The following PTPRS variants were observed in gnomAD, a reference collection of about 807,000 sequenced individuals.
The protein encoded by PTPRS is receptor-type tyrosine-protein phosphatase S.
In PTPRS, 63 loss-of-function variants were observed where a neutral mutation model predicts 215.3. The observed-to-expected ratio is 0.29, with a 90% CI of 0.24 to 0.36. PTPRS has a LOEUF of 0.36. Among genes scored for constraint, PTPRS ranks in the 10% least tolerant of loss-of-function variants. The probability of loss-of-function intolerance (pLI) is 1.00; values close to 1 mark genes in which losing one functional copy is unlikely to be tolerated. For missense variants in PTPRS, 2,258 were observed against 2,825.8 expected (o/e 0.80, Z 4.56); for synonymous variants, 1,404 against 1,191.4 (o/e 1.18, Z -3.68).
At chr19:5,318,693 C>G (rs895335541) in intron 1 of PTPRS, among the ~76,000 whole-genome samples, 6 of 152,170 alleles carry the variant, frequency 3.9e-5, no homozygotes, top group African/African-American at 1.4e-4. Context: ...CGCTCTGTCA[C>G]CCAGACTGGA....
chr19:5,291,859 G>A (rs973932778), intron 1 of PTPRS, among the ~76,000 whole-genome samples: 2 of 151,862 alleles, frequency 1.3e-5, no homozygotes, highest in African/African-American at 4.8e-5. Flanking sequence ...GGCCTCTGCT[G>A]ACCTCATCAC....
intron 4 of PTPRS, among the ~76,000 whole-genome samples, chr19:5,269,239 G>T (rs1054152764): frequency 1.3e-5 from 2 of 152,080 alleles, no homozygotes; most frequent in African/African-American, 4.8e-5. Flanking sequence ...GGCCCCGCAG[G>T]GGTCCCCATA....
chr19:5,336,017 GAA>G (rs59078850), intron 1 of PTPRS, among the ~76,000 whole-genome samples: 1 of 139,828 alleles, frequency 7.2e-6, no homozygotes, highest in Non-Finnish European at 1.6e-5. Context: ...GGAGGAGGAG[GAA>G]AAAAAAAAAA....
rs750397382 is a variant in PTPRS, at chr19:5,243,970, C to T, written c.1501G>A (p.Val501Met). ...LLEDETYTVR[V>M]LAFTSVGDGP... ...TCGCCGACGGAGGTGAAGGCGAGCA[C>T]CCGCACGGTGTAGGTCTCGTCCTCC... The change falls in exon 11 of 38, where the codon GTG (valine) becomes ATG (methionine). Residue 501 changes from valine to methionine, a missense_variant. Coordinates refer to ENST00000262963, the MANE Select transcript of PTPRS (RefSeq NM_002850.4). 2 of 1,600,250 alleles carry T rather than the reference C, an allele frequency of 1.2e-6. No individual in the cohort carries two copies. Among genetic ancestry groups the T allele is most frequent in the East Asian group, 2.2e-5 (1 of 44,826 alleles).
chr19:5,320,827 T>C (rs2147214481), intron 1 of PTPRS, among the ~76,000 whole-genome samples: 1 of 152,172 alleles, frequency 6.6e-6, no homozygotes, highest in Non-Finnish European at 1.5e-5. Context: ...GGAGCCTGGA[T>C]GGTTGAGGTT....
At chr19:5,235,032 T>C (rs574911483) in intron 13 of PTPRS, among the ~76,000 whole-genome samples, 108 of 151,304 alleles carry the variant, frequency 7.1e-4, no homozygotes, top group Admixed American at 2.2e-3. Flanking sequence ...GCTCTGCTGC[T>C]CGGGTTCACG....
chr19:5,303,662 T>C (rs1049801053), intron 1 of PTPRS, among the ~76,000 whole-genome samples: 3 of 151,732 alleles, frequency 2.0e-5, no homozygotes, highest in Non-Finnish European at 2.9e-5. Flanking sequence ...TGAGGGGTAA[T>C]AGGAGTGAGG....
At chr19:5,281,762 G>A (rs182166813) in intron 2 of PTPRS, among the ~76,000 whole-genome samples, 1 of 152,274 alleles carries the variant, frequency 6.6e-6, no homozygotes, top group Non-Finnish European at 1.5e-5. Context: ...TGGAAGGAAG[G>A]GCAGAAGCTG....
Position 5,206,637 on chromosome 19 carries a change from G to C in PTPRS, c.*137C>G, listed in dbSNP as rs2040387168. The C allele has an allele frequency of 1.3e-6, 1 of 745,026 alleles. No homozygotes were observed. The highest frequency in any genetic ancestry group is 1.7e-5 in the South Asian group (1 of 58,346). The allele number at this position is 745,026 out of a possible 1,614,324, so 46.2% of individuals were successfully genotyped here. ...GGCTCGAGGGGCTGCGTCGTCCTCG[G>C]AAATGGTGCAGAAACACAGCTGCTG... is the stretch of plus-strand genomic sequence containing the variant. On this transcript the variant is annotated 3_prime_UTR_variant, in exon 38 of 38. Coordinates refer to ENST00000262963, the MANE Select transcript of PTPRS (RefSeq NM_002850.4).
chr19:5,305,974 C>T (rs1220053804), intron 1 of PTPRS, among the ~76,000 whole-genome samples: 38 of 72,554 alleles, frequency 5.2e-4, no homozygotes, highest in African/African-American at 1.9e-3. Context: ...AAAAAAAGGG[C>T]GAATTCCTCA....
At position 5,257,771 on chromosome 19, in the gene PTPRS, C is replaced by T. The variant is rs2045679279; in HGVS notation, c.706+246G>A. Among the ~76,000 whole-genome samples, 2 of 152,230 alleles carry T rather than the reference C, an allele frequency of 1.3e-5. No homozygotes were observed. The highest frequency in any genetic ancestry group is 1.3e-4 in the Admixed American group (2 of 15,290). Reference sequence around the variant, plus strand: ...CCCACCATCACTGCCTCCCCAGAGCCTGCTGCCCACGGGGCATCTCTCGCA... The same window carrying T: ...CCCACCATCACTGCCTCCCCAGAGCTTGCTGCCCACGGGGCATCTCTCGCA... On this transcript the variant is annotated intron_variant, in intron 8 of 37. Coordinates refer to ENST00000262963, the MANE Select transcript of PTPRS (RefSeq NM_002850.4). The surrounding 1 kb of genome is among the most constrained non-coding windows in gnomAD (Gnocchi z 4.4).
In PTPRS at chr19:5,264,961, C is replaced by G. The variant is rs1568513676; in HGVS notation, c.568+47G>C. On this transcript the variant is annotated intron_variant, in intron 5 of 37. Coordinates refer to ENST00000262963, the MANE Select transcript of PTPRS (RefSeq NM_002850.4). The stretch of plus-strand genomic sequence containing the variant: ...GGGCCCTGGAGATGCTCCCCACCCC[C>G]TGCTGCCCTCCAAGGCTCCCACGTC... 2.5e-6 allele frequency: 4 copies of G among 1,603,598 alleles called. No individual in the cohort carries two copies. In the East Asian group the frequency reaches 9.0e-5, roughly 36 times the overall value.
rs769934024 is a variant in PTPRS, at chr19:5,220,060, A to C, written c.3644T>G (p.Val1215Gly). ...PRPYIAARFS[V>G]LPPTFHPGDQ... ...GCCGGGATGGAACGTGGGTGGCAGC[A>C]CAGAGAAGCGAGCTGCAATATAGGG... The change falls in exon 22 of 38, where the codon GTG becomes GGG. Residue 1215 changes from valine (V) to glycine (G), a missense_variant. Val to Gly is a moderately radical substitution (Grantham distance 109). This residue lies in a region of PTPRS where 927 missense variants were observed against 1,125.9 expected (regional missense o/e 0.82). Transcript: ENST00000262963. 4 of 1,614,044 alleles carry C rather than the reference A, an allele frequency of 2.5e-6. No individual in the cohort carries two copies. Among genetic ancestry groups the C allele is most frequent in the Non-Finnish European group, 1.7e-6 (2 of 1,180,036 alleles).
chr19:5,242,842 G>A (rs1271325868), intron 11 of PTPRS, among the ~76,000 whole-genome samples: 1 of 151,894 alleles, frequency 6.6e-6, no homozygotes, highest in Non-Finnish European at 1.5e-5. Context: ...CTACAGGTGT[G>A]CACCATCACG....
intron 17 of PTPRS, among the ~76,000 whole-genome samples, chr19:5,223,800 G>A (rs953559145): frequency 6.6e-6 from 1 of 151,220 alleles, no homozygotes; most frequent in Admixed American, 6.6e-5. Flanking sequence ...GACCTCAGGT[G>A]ATCCACCCGC....
rs2050611126 is a variant in PTPRS at position 5,339,358 on chromosome 19, GAGACGAGA to G, written c.-95+1298_-95+1305del. On this transcript the variant is annotated intron_variant, in intron 1 of 37. Transcript: ENST00000262963. The surrounding 1 kb of genome is among the most constrained non-coding windows in gnomAD (Gnocchi z 4.2). ...CGTTCTTGGAAGCTGCATATTTAGG[GAGACGAGA>G]AGACGATTTGAGACTGGGGAAAGAG... 6.6e-6 allele frequency among the ~76,000 whole-genome samples: 1 copy of G among 152,082 alleles called. No individual in the cohort carries two copies. The highest frequency in any genetic ancestry group is 6.6e-5 in the Admixed American group (1 of 15,262).
At chr19:5,228,814 A>G (rs2145595691) in intron 16 of PTPRS, among the ~76,000 whole-genome samples, 1 of 152,330 alleles carries the variant, frequency 6.6e-6, no homozygotes, top group Middle Eastern at 3.4e-3. Flanking sequence ...TATCACAGAC[A>G]TCCTTCCCCA....
At chr19:5,281,060 G>C (rs113361233) in intron 2 of PTPRS, among the ~76,000 whole-genome samples, 9,850 of 151,868 alleles carry the variant, frequency 0.065, 348 homozygotes, top group Middle Eastern at 0.11. Flanking sequence ...CCAAAGTGCT[G>C]GGATTACAGG....
chr19:5,267,024 G>A (rs2046451823), intron 4 of PTPRS, among the ~76,000 whole-genome samples: 1 of 152,136 alleles, frequency 6.6e-6, no homozygotes, highest in African/African-American at 2.4e-5. Flanking sequence ...AGCATCCGTA[G>A]CACCCAGCGC....
Sources: gnomAD v4.1 joint callset for allele counts (sites outside exome capture counted in the v4.1 genomes callset) on GRCh38, gnomAD v4.1.1 for gene constraint, gnomAD v4.1.1 regional missense constraint, Gnocchi (gnomAD v3.1) non-coding constraint, MANE v1.5 for transcripts, NCBI Gene and HGNC (gene_info 2026-07-23, HGNC 2026-07-21) for gene names.